The following ALPG variants were observed in gnomAD, a reference collection of about 807,000 sequenced individuals.
ALPG encodes alkaline phosphatase, germ cell type.
ALPG carries 32 observed loss-of-function variants against 48.6 expected under a neutral mutation model. That is an observed-to-expected ratio of 0.66 (90% confidence interval 0.50 to 0.88). ALPG has a LOEUF of 0.88. ALPG is among the 40% of genes least tolerant of loss of function. The pLI, the probability that ALPG is intolerant of heterozygous loss-of-function variation, is 0.00. For missense variants in ALPG, 533 were observed against 718.1 expected (o/e 0.74, Z 2.95); for synonymous variants, 244 against 308.9 (o/e 0.79, Z 2.20).
At position 232,408,363 on chromosome 2, in the gene ALPG, G is replaced by A. The variant is rs146954619; in HGVS notation, c.745G>A (p.Gly249Arg). 26 of 1,610,292 alleles carry A rather than the reference G, an allele frequency of 1.6e-5. 1 individual carries two copies. In the African/African-American group the frequency reaches 2.3e-4, roughly 14 times the overall value. ...DYSQGGTRLDGKNLVQEWLAK... is the reference protein window; with the variant it reads ...DYSQGGTRLDRKNLVQEWLAK... ...CAGCCAAGGTGGGACCAGGCTGGAC[G>A]GGAAGAATCTGGTGCAGGAATGGCT... is the stretch of plus-strand genomic sequence containing the variant. The change falls in exon 6 of 11, where the codon GGG becomes AGG. Residue 249 changes from glycine (G) to arginine (R), a missense_variant. Around this residue, in one of 6 missense-constraint regions of ALPG, gnomAD observed 40 missense variants for 74.5 expected, o/e 0.54. Transcript: ENST00000295453.
In ALPG at chr2:232,409,787, C is replaced by T; in HGVS notation, c.1514C>T (p.Ala505Val). Residue 505 changes from alanine to valine, a missense_variant, in exon 11 of 11, where the codon GCG becomes GTG. By Grantham distance (64) the Ala-to-Val change is moderately conservative. Coordinates refer to ENST00000295453, the MANE Select transcript of ALPG (RefSeq NM_031313.3). ...CCCCGCGCCGGCACCACCGACGCCG[C>T]GCACCCGGGGCCGTCCGTGGTCCCC... ...LAPRAGTTDA[A>V]HPGPSVVPAL... is the part of the protein sequence containing the mutation. 1 of 1,602,064 alleles carries T rather than the reference C, an allele frequency of 6.2e-7. No individual in the cohort carries two copies.
In ALPG at chr2:232,407,173, G is replaced by T; in HGVS notation, c.184G>T (p.Gly62Trp). The change falls in exon 2 of 11, where the codon GGG (glycine) becomes TGG (tryptophan). Residue 62 changes from glycine (G) to tryptophan (W), a missense_variant and splice_region_variant. Coordinates refer to ENST00000295453, the MANE Select transcript of ALPG (RefSeq NM_031313.3). ...GAACCTCATCATCTTCCTGGGTGAC[G>T]GTGAGTGAGCCAGGCCTTCCAGCCC... The part of the protein sequence containing the change: ...AKNLIIFLGD[G>W]MGVSTVTAAR... The T allele has an allele frequency of 1.2e-6, 2 of 1,613,886 alleles. No homozygotes were observed.
Position 232,407,663 on chromosome 2 carries a change from G to A in ALPG, c.370G>A (p.Gly124Ser), listed in dbSNP as rs774374094. ...TATAYLCGVKGNFQTIGLSAA... is the reference protein window; with the variant it reads ...TATAYLCGVKSNFQTIGLSAA... The stretch of plus-strand genomic sequence containing the variant: ...CACGGCCTACCTGTGCGGGGTCAAG[G>A]GCAACTTCCAGACCATTGGCTTGAG... The change falls in exon 4 of 11, where the codon GGC becomes AGC. Residue 124 changes from glycine (G) to serine (S), a missense_variant. Gly to Ser is a moderately conservative substitution (Grantham distance 56, BLOSUM62 0). Transcript: ENST00000295453. 31 of 1,613,806 alleles carry A rather than the reference G, an allele frequency of 1.9e-5. No homozygotes were observed. The highest frequency in any genetic ancestry group is 1.7e-4 in the Admixed American group (10 of 60,000).
rs1697130163 is a variant in ALPG, at chr2:232,408,410, G to T, written c.783+9G>T. On this transcript the variant is annotated intron_variant, in intron 6 of 10. Coordinates refer to ENST00000295453, the MANE Select transcript of ALPG (RefSeq NM_031313.3). ...GGCTGGCGAAGCACCAGGTGATGGG[G>T]GCTGGTGGGTGTGCTGGGCACAGCA... 1 of 1,489,274 alleles carries T rather than the reference G, an allele frequency of 6.7e-7. No homozygotes were observed. Among genetic ancestry groups the T allele is most frequent in the Admixed American group, 1.7e-5 (1 of 57,448 alleles). 92.3% of individuals were successfully genotyped at this position (1,489,274 alleles called of 1,614,324 possible).
At chr2:232,407,194 A>G in intron 2 of ALPG, 21 bp downstream of exon 2, 11 of 1,613,932 alleles carry the variant, frequency 6.8e-6, no homozygotes, top group Non-Finnish European at 9.3e-6. Context: ...CAGGCCTTCC[A>G]GCCCCGCAGC....
chr2:232,408,018 G>A lies in ALPG; in HGVS notation c.648+1G>A. The A allele has an allele frequency of 1.2e-6, 2 of 1,608,476 alleles. No homozygotes were observed. Among genetic ancestry groups the A allele is most frequent in the Non-Finnish European group, 1.7e-6 (2 of 1,177,400 alleles). ...GCTCATCTCCAACATGGACATTGAT[G>A]TGCGACCCCCGGGCCAAGGGCTGGG... On this transcript the variant is annotated splice_donor_variant, in intron 5 of 10. Coordinates refer to ENST00000295453, the MANE Select transcript of ALPG (RefSeq NM_031313.3). LOFTEE classifies it high-confidence loss of function.
In ALPG at chr2:232,410,038, T is replaced by C; in HGVS notation, c.*166T>C. Reference sequence around the variant, plus strand: ...CGGTGCACCCTGGGGACCGAGCCCTTGACACCACGCCCTTTGCTTTATCTT... The same window carrying C: ...CGGTGCACCCTGGGGACCGAGCCCTCGACACCACGCCCTTTGCTTTATCTT... On this transcript the variant is annotated 3_prime_UTR_variant, in exon 11 of 11. Transcript: ENST00000295453. 2 of 1,082,398 alleles carry C rather than the reference T, an allele frequency of 1.8e-6. No homozygotes were observed. The highest frequency in any genetic ancestry group is 2.6e-6 in the Non-Finnish European group (2 of 779,406). The allele number at this position is 1,082,398 out of a possible 1,614,324, so 67.0% of individuals were successfully genotyped here. A position where few individuals can be genotyped will look rare whatever the true frequency, so the allele number is the denominator to read the frequency against.
chr2:232,407,032 T>G (rs1559247028), intron 1 of ALPG, 25 bp from the exon 2 acceptor site: 3 of 1,613,628 alleles, frequency 1.9e-6, no homozygotes, highest in Non-Finnish European at 2.5e-6. Context: ...CAGGCTGACC[T>G]GATCTTTGCT....
chr2:232,407,935 C>G lies in ALPG; in HGVS notation c.566C>G (p.Ser189Trp). 1 of 1,613,374 alleles carries G rather than the reference C, an allele frequency of 6.2e-7. No individual in the cohort carries two copies. Among genetic ancestry groups the G allele is most frequent in the Non-Finnish European group, 8.5e-7 (1 of 1,179,994 alleles). ...YAHTVNRNWYSDADVPASARQ... is the reference protein window; with the variant it reads ...YAHTVNRNWYWDADVPASARQ... Reference sequence around the variant, plus strand: ...CACACGGTGAACCGCAACTGGTACTCGGATGCCGACGTGCCTGCCTCGGCC... The same window carrying G: ...CACACGGTGAACCGCAACTGGTACTGGGATGCCGACGTGCCTGCCTCGGCC... Residue 189 changes from serine (S) to tryptophan (W), a missense_variant, in exon 5 of 11, where the codon TCG becomes TGG. Around this residue, in one of 6 missense-constraint regions of ALPG, gnomAD observed 315 missense variants for 305.8 expected, o/e 1.03. Coordinates refer to ENST00000295453, the MANE Select transcript of ALPG (RefSeq NM_031313.3).
In ALPG at chr2:232,408,653, C is replaced by T; in HGVS notation, c.857-51C>T. 2.7e-6 allele frequency: 4 copies of T among 1,489,796 alleles called. No homozygotes were observed. In the East Asian group the frequency reaches 6.8e-5, roughly 25 times the overall value. 92.3% of individuals were successfully genotyped at this position (1,489,796 alleles called of 1,614,324 possible). On this transcript the variant is annotated intron_variant, in intron 7 of 10. Transcript: ENST00000295453. ...CTGAGCCTGTGTGCACATCCGCCAG[C>T]ACCCTCCCACCCCCAGCCTGCCAGT...
At position 232,409,711 on chromosome 2, in the gene ALPG, G is replaced by A; in HGVS notation, c.1438G>A (p.Val480Ile). Residue 480 changes from valine to isoleucine, a missense_variant, in exon 11 of 11, where the codon GTC becomes ATC. By Grantham distance (29) the Val-to-Ile change is conservative. Coordinates refer to ENST00000295453, the MANE Select transcript of ALPG (RefSeq NM_031313.3). The stretch of plus-strand genomic sequence containing the variant: ...GCAGGAGCAGACCTTCATAGCGCAC[G>A]TCATGGCCTTCGCCGCCTGCCTGGA... ...GVQEQTFIAH[V>I]MAFAACLEPY... The A allele has an allele frequency of 6.2e-7, 1 of 1,611,174 alleles. No homozygotes were observed. Among genetic ancestry groups the A allele is most frequent in the East Asian group, 2.2e-5 (1 of 44,834 alleles).
At chr2:232,407,492 G>A in intron 3 of ALPG, 91 bp downstream of exon 3, 2 of 1,590,036 alleles carry the variant, frequency 1.3e-6, no homozygotes, top group Non-Finnish European at 1.7e-6. Context: ...TAAACAGCTG[G>A]GGCTCCAATA....
chr2:232,407,780 C>T lies in ALPG; in HGVS notation c.475+12C>T, dbSNP rs768291030. The T allele has an allele frequency of 3.2e-5, 51 of 1,613,658 alleles. No individual in the cohort carries two copies. Among genetic ancestry groups the T allele is most frequent in the Non-Finnish European group, 4.1e-5 (48 of 1,180,032 alleles). ...GGCCAAGAAAGCAGGTGAGCTGGGG[C>T]CCGCTGTGGGGTCAGGGCCAGGTGA... is the stretch of plus-strand genomic sequence containing the variant. On this transcript the variant is annotated intron_variant, in intron 4 of 10. Coordinates refer to ENST00000295453, the MANE Select transcript of ALPG (RefSeq NM_031313.3).
Position 232,406,855 on chromosome 2 carries a change from C to G in ALPG, c.-40C>G. On this transcript the variant is annotated 5_prime_UTR_variant, in exon 1 of 11. Transcript: ENST00000295453. The stretch of plus-strand genomic sequence containing the variant: ...CTGGAGTGCAGCTCATACTCCATAC[C>G]TGGGATTTCCGCCTCGCCGCTCTCC... The G allele has an allele frequency of 6.3e-7, 1 of 1,592,320 alleles. No individual in the cohort carries two copies. The highest frequency in any genetic ancestry group is 8.5e-7 in the Non-Finnish European group (1 of 1,170,338).
rs372434742 is a variant in ALPG, at chr2:232,407,173, G to A, written c.184G>A (p.Gly62Arg). 57 of 1,613,768 alleles carry A rather than the reference G, an allele frequency of 3.5e-5. No individual in the cohort carries two copies. Among genetic ancestry groups the A allele is most frequent in the South Asian group, 9.9e-5 (9 of 90,952 alleles). Residue 62 changes from glycine (G) to arginine (R), a missense_variant and splice_region_variant, in exon 2 of 11, where the codon GGG becomes AGG. By Grantham distance (125) the Gly-to-Arg change is moderately radical (BLOSUM62 -2). Around this residue, in one of 6 missense-constraint regions of ALPG, gnomAD observed 315 missense variants for 305.8 expected, o/e 1.03. Transcript: ENST00000295453. The part of the protein sequence containing the change: ...AKNLIIFLGD[G>R]MGVSTVTAAR... The stretch of plus-strand genomic sequence containing the variant: ...GAACCTCATCATCTTCCTGGGTGAC[G>A]GTGAGTGAGCCAGGCCTTCCAGCCC...
Position 232,407,946 on chromosome 2 carries a change from G to T in ALPG, c.577G>T (p.Val193Leu), listed in dbSNP as rs199598336. 26 of 1,613,232 alleles carry T rather than the reference G, an allele frequency of 1.6e-5. No individual in the cohort carries two copies. The highest frequency in any genetic ancestry group is 2.2e-5 in the Non-Finnish European group (26 of 1,179,976). Residue 193 changes from valine (V) to leucine (L), a missense_variant, in exon 5 of 11, where the codon GTG becomes TTG. Transcript: ENST00000295453. Reference protein sequence around the residue: ...VNRNWYSDADVPASARQEGCQ... With the variant: ...VNRNWYSDADLPASARQEGCQ... Reference sequence around the variant, plus strand: ...CCGCAACTGGTACTCGGATGCCGACGTGCCTGCCTCGGCCCGCCAGGAGGG... The same window carrying T: ...CCGCAACTGGTACTCGGATGCCGACTTGCCTGCCTCGGCCCGCCAGGAGGG...
chr2:232,410,213 A>T lies in ALPG; in HGVS notation c.*341A>T. ...GGCTCTCTCCCCGGGGACATGAGGCACCCATACCTAGGACCCCCTGCGCCT... is the reference window on the plus strand; with the variant it reads ...GGCTCTCTCCCCGGGGACATGAGGCTCCCATACCTAGGACCCCCTGCGCCT... On this transcript the variant is annotated 3_prime_UTR_variant, in exon 11 of 11. Coordinates refer to ENST00000295453, the MANE Select transcript of ALPG (RefSeq NM_031313.3). 1 of 393,504 alleles carries T rather than the reference A, an allele frequency of 2.5e-6. No individual in the cohort carries two copies. The highest frequency in any genetic ancestry group is 3.8e-5 in the South Asian group (1 of 26,116). The allele number at this position is 393,504 out of a possible 1,614,324, so 24.4% of individuals were successfully genotyped here. A position where few individuals can be genotyped will look rare whatever the true frequency, so the allele number is the denominator to read the frequency against.
In ALPG at chr2:232,409,788, G is replaced by A. The variant is rs754903544; in HGVS notation, c.1515G>A (p.Ala505=). 8 of 1,600,784 alleles carry A rather than the reference G, an allele frequency of 5.0e-6. No individual in the cohort carries two copies. The Admixed American group carries it at 8.5e-5, about 17-fold the overall frequency. ...LAPRAGTTDA[A]HPGPSVVPAL... ...CCCGCGCCGGCACCACCGACGCCGCGCACCCGGGGCCGTCCGTGGTCCCCG... is the reference window on the plus strand; with the variant it reads ...CCCGCGCCGGCACCACCGACGCCGCACACCCGGGGCCGTCCGTGGTCCCCG... The change falls in exon 11 of 11, where the codon GCG becomes GCA. Residue 505 remains alanine, a synonymous_variant. Transcript: ENST00000295453.
chr2:232,407,897 C>T lies in ALPG; in HGVS notation c.528C>T (p.Ala176=), dbSNP rs761377449. The change falls in exon 5 of 11, where the codon GCC becomes GCT. Residue 176 remains alanine, a synonymous_variant. Transcript: ENST00000295453. ...CACGGGTGCAGCATGCCTCGCCAGC[C>T]GGCGCCTACGCCCACACGGTGAACC... is the stretch of plus-strand genomic sequence containing the variant. The part of the protein sequence containing the change: ...TTTRVQHASP[A]GAYAHTVNRN... 107 of 1,613,364 alleles carry T rather than the reference C, an allele frequency of 6.6e-5. No homozygotes were observed. Among genetic ancestry groups the T allele is most frequent in the Middle Eastern group, 1.6e-4 (1 of 6,076 alleles).
Sources: allele counts gnomAD v4.1 joint callset, GRCh38; gene constraint gnomAD v4.1.1; regional missense constraint gnomAD v4.1.1; transcripts MANE v1.5; gene names NCBI Gene and HGNC (gene_info 2026-07-23, HGNC 2026-07-21).